CHCHD3: variants seen among roughly 807,000 people sequenced by gnomAD.
CHCHD3 encodes the protein coiled-coil-helix-coiled-coil-helix domain containing 3.
CHCHD3 carries 20 observed loss-of-function variants against 38.2 expected under a neutral mutation model. The ratio of observed to expected loss-of-function variants is 0.52; its 90% CI spans 0.37 to 0.76. The LOEUF (loss-of-function observed/expected upper bound fraction) is 0.76. Ranked by LOEUF, CHCHD3 falls within the 30% of genes least tolerant of loss-of-function variation. CHCHD3 has a pLI of 0.00. For synonymous variants in CHCHD3, 82 were observed against 100.0 expected (o/e 0.82, Z 1.07); for missense variants, 245 against 279.2 (o/e 0.88, Z 0.87).
At chr7:132,867,971 A>T (rs999050305) in intron 5 of CHCHD3, among the ~76,000 whole-genome samples, 1 of 152,142 alleles carries the variant, frequency 6.6e-6, no homozygotes, top group African/African-American at 2.4e-5. Context: ...ACAATTTAAA[A>T]CAGTTGTTAT....
chr7:133,000,059 A>G (rs1812524213), intron 3 of CHCHD3, among the ~76,000 whole-genome samples: 1 of 152,174 alleles, frequency 6.6e-6, no homozygotes, highest in East Asian at 1.9e-4. Flanking sequence ...TTTTATCAAC[A>G]ATTATTTCAA....
chr7:132,845,725 T>G (rs915610964), intron 5 of CHCHD3, among the ~76,000 whole-genome samples: 1 of 152,168 alleles, frequency 6.6e-6, no homozygotes, highest in African/African-American at 2.4e-5. Flanking sequence ...TCATGGAGCA[T>G]CTTGAGGGAA....
intron 6 of CHCHD3, among the ~76,000 whole-genome samples, chr7:132,819,739 T>C (rs553843911): frequency 6.6e-6 from 1 of 152,288 alleles, no homozygotes; most frequent in East Asian, 1.9e-4. Flanking sequence ...AGAAAGACTT[T>C]ACAGAGAAAG....
chr7:133,005,625 T>C (rs1220206370), intron 3 of CHCHD3, among the ~76,000 whole-genome samples: 1 of 152,212 alleles, frequency 6.6e-6, no homozygotes, highest in Non-Finnish European at 1.5e-5. Flanking sequence ...TTGATTTTCC[T>C]TTTTTTGTAT....
chr7:132,984,997 C>T (rs1374268466), intron 3 of CHCHD3, among the ~76,000 whole-genome samples: 1 of 80,332 alleles, frequency 1.2e-5, no homozygotes, highest in African/African-American at 4.7e-5. Context: ...TCCCTCTGCC[C>T]GGCCAGCCGC....
chr7:133,028,886 C>CA (rs529303007), intron 2 of CHCHD3, among the ~76,000 whole-genome samples: 979 of 93,934 alleles, frequency 0.01, 8 homozygotes, highest in East Asian at 0.025. Flanking sequence ...CTCCATCTCA[C>CA]AAAAAAAAAA....
At chr7:132,992,231 A>T (rs930216605) in intron 3 of CHCHD3, among the ~76,000 whole-genome samples, 3 of 152,146 alleles carry the variant, frequency 2.0e-5, no homozygotes, top group African/African-American at 7.2e-5. Flanking sequence ...TTGAGTCTGC[A>T]CTTTGTTCAA....
At chr7:133,009,772 A>G (rs138172002) in intron 3 of CHCHD3, among the ~76,000 whole-genome samples, 64 of 152,338 alleles carry the variant, frequency 4.2e-4, no homozygotes, top group African/African-American at 1.4e-3. Flanking sequence ...GCTCTGGTTC[A>G]GTCTCATGTA....
chr7:132,974,144 T>A (rs939452386), intron 4 of CHCHD3: 7 of 682,720 alleles, frequency 1.0e-5, no homozygotes, highest in Non-Finnish European at 1.3e-5. Flanking sequence ...AAAATGTTCA[T>A]GAGGCTTAAC....
At chr7:133,074,303 T>C (rs533537830) in intron 1 of CHCHD3, among the ~76,000 whole-genome samples, 1 of 152,214 alleles carries the variant, frequency 6.6e-6, no homozygotes, top group South Asian at 2.1e-4. Context: ...GGAAATAAGA[T>C]GGAAAAGGGA....
chr7:132,863,764 C>T (rs533046939), intron 5 of CHCHD3, among the ~76,000 whole-genome samples: 1 of 152,350 alleles, frequency 6.6e-6, no homozygotes, highest in South Asian at 2.1e-4. Context: ...ACATCAGCAC[C>T]TAGTGCTTTA....
intron 2 of CHCHD3, among the ~76,000 whole-genome samples, chr7:133,059,019 A>G (rs574665975): frequency 1.8e-4 from 28 of 152,328 alleles, no homozygotes; most frequent in African/African-American, 5.8e-4. Context: ...CCTACCCAGA[A>G]GCCAAACCAA....
chr7:132,968,351 T>A (rs1811529497), intron 4 of CHCHD3, among the ~76,000 whole-genome samples: 1 of 152,192 alleles, frequency 6.6e-6, no homozygotes, highest in African/African-American at 2.4e-5. Context: ...GACTTGCAGA[T>A]GGATTCCAGA....
chr7:132,829,380 T>C (rs1807582984), intron 6 of CHCHD3, among the ~76,000 whole-genome samples: 1 of 152,130 alleles, frequency 6.6e-6, no homozygotes, highest in Non-Finnish European at 1.5e-5. Flanking sequence ...CATATAACCA[T>C]GTAGGGTATA....
At chr7:132,872,903 C>T (rs1353696666) in intron 5 of CHCHD3, among the ~76,000 whole-genome samples, 1 of 151,964 alleles carries the variant, frequency 6.6e-6, no homozygotes, top group Non-Finnish European at 1.5e-5. Context: ...GTCAGCTCGA[C>T]ATCAGCCGGG....
chr7:132,819,520 T>C (rs1161264401), intron 6 of CHCHD3, among the ~76,000 whole-genome samples: 6 of 152,178 alleles, frequency 3.9e-5, no homozygotes, highest in Non-Finnish European at 5.9e-5. Context: ...GATGGAAATA[T>C]TGATACTAAT....
chr7:133,035,643 G>C lies in CHCHD3; in HGVS notation c.170-11016C>G. The C allele has an allele frequency of 6.2e-7, 1 of 1,611,080 alleles. No homozygotes were observed. Among genetic ancestry groups the C allele is most frequent in the Non-Finnish European group, 8.5e-7 (1 of 1,178,362 alleles). ...AAAGCTCACCCACTGCACCACCTGG[G>C]CTGCTGCCTCTGGAGTACTTCCCCG... On this transcript the variant is annotated intron_variant, in intron 2 of 7. Coordinates refer to ENST00000262570, the MANE Select transcript of CHCHD3 (RefSeq NM_017812.4). The surrounding 1 kb of genome is among the most constrained non-coding windows in gnomAD (Gnocchi z 4.7).
chr7:132,811,976 G>A (rs144561137), intron 6 of CHCHD3, among the ~76,000 whole-genome samples: 10 of 152,080 alleles, frequency 6.6e-5, no homozygotes, highest in South Asian at 2.1e-4. Context: ...TGCTATTTAC[G>A]TGGAAGGCAT....
At chr7:133,018,875 C>CTTTTTTTTTTTTTT (rs5887607) in intron 3 of CHCHD3, among the ~76,000 whole-genome samples, 1 of 70,150 alleles carries the variant, frequency 1.4e-5, no homozygotes, top group Non-Finnish European at 2.5e-5. Flanking sequence ...CATGATTTCT[C>CTTTTTTTTTTTTTT]TTTTTTTTTT....
Sources: gnomAD v4.1 joint callset for allele counts (sites outside exome capture counted in the v4.1 genomes callset) on GRCh38, gnomAD v4.1.1 for gene constraint, Gnocchi (gnomAD v3.1) non-coding constraint, MANE v1.5 for transcripts, NCBI Gene and HGNC (gene_info 2026-07-23, HGNC 2026-07-21) for gene names.